Variants in SIPA1L2 observed in about 807,000 individuals in gnomAD.
SIPA1L2 encodes signal induced proliferation associated 1 like 2.
SIPA1L2 carries 56 observed loss-of-function variants against 163.9 expected under a neutral mutation model. The observed-to-expected ratio is 0.34, with a 90% CI of 0.28 to 0.43. SIPA1L2 has a LOEUF of 0.43. Ranked by LOEUF, SIPA1L2 falls within the 20% of genes least tolerant of loss-of-function variation. The pLI, the probability that SIPA1L2 is intolerant of heterozygous loss-of-function variation, is 1.00. For missense variants in SIPA1L2, 1,974 were observed against 2,193.5 expected (o/e 0.90, Z 2.00); for synonymous variants, 877 against 865.7 (o/e 1.01, Z -0.23).
intron 3 of SIPA1L2, among the ~76,000 whole-genome samples, chr1:232,501,048 G>GTTTTTTTTTTTT (rs1421294418): frequency 7.2e-4 from 42 of 58,422 alleles, no homozygotes; most frequent in Non-Finnish European, 1.4e-3. Flanking sequence ...TAGCAATGAA[G>GTTTTTTTTTTTT]TATTTTTTTT....
intron 3 of SIPA1L2, among the ~76,000 whole-genome samples, chr1:232,512,009 G>C (rs184728029): frequency 5.9e-5 from 9 of 152,176 alleles, no homozygotes; most frequent in Non-Finnish European, 7.4e-5. Context: ...GAATCTACAA[G>C]GAACTGAAAC....
At chr1:232,496,889 C>T (rs1304120851) in intron 3 of SIPA1L2, among the ~76,000 whole-genome samples, 1 of 152,142 alleles carries the variant, frequency 6.6e-6, no homozygotes, top group Admixed American at 6.5e-5. Context: ...TCTTATAACA[C>T]ATTTCAAAAA....
chr1:232,457,602 C>T (rs1400924464), intron 10 of SIPA1L2, among the ~76,000 whole-genome samples: 1 of 152,158 alleles, frequency 6.6e-6, no homozygotes, highest in Non-Finnish European at 1.5e-5. Context: ...AAATGTATAG[C>T]TTTAGCTTGA....
At chr1:232,508,782 T>C (rs567065674) in intron 3 of SIPA1L2, among the ~76,000 whole-genome samples, 1 of 152,318 alleles carries the variant, frequency 6.6e-6, no homozygotes, top group African/African-American at 2.4e-5. Flanking sequence ...CTTGCTACTA[T>C]CCTCACTGCT....
chr1:232,470,238 T>C (rs1023594478), intron 8 of SIPA1L2, among the ~76,000 whole-genome samples: 3 of 152,190 alleles, frequency 2.0e-5, no homozygotes, highest in Admixed American at 6.5e-5. Context: ...TCTGAGCATT[T>C]AGGCCAGTGG....
intron 14 of SIPA1L2, among the ~76,000 whole-genome samples, chr1:232,440,052 C>T (rs555662790): frequency 5.3e-5 from 8 of 152,278 alleles, no homozygotes; most frequent in Admixed American, 1.3e-4. Context: ...GCAAAGTACA[C>T]GGTAAACACG....
intron 18 of SIPA1L2, among the ~76,000 whole-genome samples, chr1:232,421,854 A>G (rs905810838): frequency 3.3e-5 from 5 of 152,252 alleles, no homozygotes; most frequent in South Asian, 2.1e-4. Context: ...GAAACCACAC[A>G]TAATATTCTC....
In SIPA1L2 at chr1:232,465,877, A is replaced by C. The variant is rs910872186; in HGVS notation, c.2244-461T>G. ...AAAGAGACACCAGGGATGTATGCAC[A>C]CAGAAAGAAGACCATGTGAAGACAC... On this transcript the variant is annotated intron_variant, in intron 8 of 22. Transcript: ENST00000674635. The surrounding 1 kb of genome is among the most constrained non-coding windows in gnomAD (Gnocchi z 4.1). 5.3e-5 allele frequency among the ~76,000 whole-genome samples: 8 copies of C among 151,900 alleles called. No homozygotes were observed. The highest frequency in any genetic ancestry group is 1.7e-4 in the African/African-American group (7 of 41,454).
chr1:232,533,791 TCTA>T (rs1481692869), intron 2 of SIPA1L2, among the ~76,000 whole-genome samples: 1 of 152,142 alleles, frequency 6.6e-6, no homozygotes, highest in East Asian at 1.9e-4. Context: ...AAGACACTTA[TCTA>T]AAGCTGAACA....
chr1:232,436,835 A>G (rs1662594653), intron 15 of SIPA1L2, among the ~76,000 whole-genome samples: 1 of 152,190 alleles, frequency 6.6e-6, no homozygotes, highest in African/African-American at 2.4e-5. Context: ...TCATTCAATG[A>G]CTGAATTCCA....
chr1:232,431,425 T>A (rs997544904), intron 16 of SIPA1L2, among the ~76,000 whole-genome samples: 2 of 152,196 alleles, frequency 1.3e-5, no homozygotes, highest in African/African-American at 4.8e-5. Context: ...TCATTTTTTT[T>A]AAGAGAAAAA....
At chr1:232,567,392 A>G (rs1659467364) in intron 2 of SIPA1L2, among the ~76,000 whole-genome samples, 1 of 152,236 alleles carries the variant, frequency 6.6e-6, no homozygotes, top group South Asian at 2.1e-4. Flanking sequence ...CAAGTTGATC[A>G]GCATTATATT....
At chr1:232,549,223 T>G (rs1416848567) in intron 2 of SIPA1L2, among the ~76,000 whole-genome samples, 1 of 152,208 alleles carries the variant, frequency 6.6e-6, no homozygotes, top group African/African-American at 2.4e-5. Context: ...ACTTCCAGCC[T>G]GCCTGGACGA....
At chr1:232,612,179 T>G (rs1464875760) in intron 1 of SIPA1L2, among the ~76,000 whole-genome samples, 1 of 152,226 alleles carries the variant, frequency 6.6e-6, no homozygotes, top group African/African-American at 2.4e-5. Flanking sequence ...GCAGGATGTA[T>G]GCAAATACCT....
At chr1:232,429,822 T>C (rs555029782) in intron 16 of SIPA1L2, among the ~76,000 whole-genome samples, 30 of 152,266 alleles carry the variant, frequency 2.0e-4, no homozygotes, top group African/African-American at 7.0e-4. Flanking sequence ...TGAGGTGAGT[T>C]AGGTGGTGCT....
intron 1 of SIPA1L2, among the ~76,000 whole-genome samples, chr1:232,629,376 C>T (rs1663247584): frequency 6.6e-6 from 1 of 152,176 alleles, no homozygotes; most frequent in South Asian, 2.1e-4. Context: ...GCCGGAGGCT[C>T]CCGGTCTTAC....
At chr1:232,487,866 G>C (rs1210304990) in intron 5 of SIPA1L2, among the ~76,000 whole-genome samples, 1 of 151,326 alleles carries the variant, frequency 6.6e-6, no homozygotes, top group East Asian at 1.9e-4. Flanking sequence ...TGACAAACCA[G>C]GATGGACTGC....
At chr1:232,460,779 A>C in intron 10 of SIPA1L2, 108 bp downstream of exon 10, 34 of 1,346,976 alleles carry the variant, frequency 2.5e-5, no homozygotes, top group Non-Finnish European at 3.4e-5. Context: ...CACTGTACAA[A>C]GACACACTTG....
Position 232,398,158 on chromosome 1 carries a change from T to A in SIPA1L2, c.*969A>T, listed in dbSNP as rs999431731. ...TCTTCTGAGCCTGCAGCTACCTCCA[T>A]CCCTCATCGTAGTGCAGGCCAAACC... is the stretch of plus-strand genomic sequence containing the variant. On this transcript the variant is annotated 3_prime_UTR_variant, in exon 23 of 23. Transcript: ENST00000674635. 3 of 152,526 alleles carry A rather than the reference T, an allele frequency of 2.0e-5. No homozygotes were observed. Among genetic ancestry groups the A allele is most frequent in the Non-Finnish European group, 4.4e-5 (3 of 68,038 alleles). 9.4% of individuals were successfully genotyped at this position (152,526 alleles called of 1,614,324 possible).
Sources: allele counts gnomAD v4.1 joint callset (sites outside exome capture counted in the v4.1 genomes callset), GRCh38; gene constraint gnomAD v4.1.1; non-coding constraint Gnocchi (gnomAD v3.1); transcripts MANE v1.5; gene names NCBI Gene and HGNC (gene_info 2026-07-23, HGNC 2026-07-21).